Variants in GRID2 observed in about 807,000 individuals in gnomAD.
GRID2 encodes the protein glutamate receptor ionotropic, delta-2.
Under a neutral mutation model 114.8 loss-of-function variants are expected in GRID2, and 33 were observed. That is an observed-to-expected ratio of 0.29 (90% confidence interval 0.22 to 0.38). The LOEUF (loss-of-function observed/expected upper bound fraction) is 0.38. Among genes scored for constraint, GRID2 ranks in the 10% least tolerant of loss-of-function variants. The pLI is 1.00. For synonymous variants in GRID2, 505 were observed against 449.9 expected (o/e 1.12, Z -1.55); for missense variants, 1,184 against 1,257.7 (o/e 0.94, Z 0.89).
chr4:92,709,915 T>G (rs1412251645), intron 2 of GRID2, among the ~76,000 whole-genome samples: 2 of 152,108 alleles, frequency 1.3e-5, no homozygotes, highest in African/African-American at 4.8e-5. Flanking sequence ...CAAAAAGTAC[T>G]ATTATTCTAA....
At chr4:93,179,457 T>C (rs1295663115) in intron 4 of GRID2, among the ~76,000 whole-genome samples, 1 of 152,188 alleles carries the variant, frequency 6.6e-6, no homozygotes, top group Non-Finnish European at 1.5e-5. Flanking sequence ...TTATAGATTT[T>C]GAAAATTATT....
intron 2 of GRID2, among the ~76,000 whole-genome samples, chr4:92,797,655 A>G (rs1739955654): frequency 6.6e-6 from 1 of 151,972 alleles, no homozygotes; most frequent in Non-Finnish European, 1.5e-5. Flanking sequence ...AAGTATCTTT[A>G]TATTTTATGC....
intron 2 of GRID2, among the ~76,000 whole-genome samples, chr4:92,711,149 T>C (rs1735225443): frequency 6.6e-6 from 1 of 152,332 alleles, no homozygotes; most frequent in Non-Finnish European, 1.5e-5. Flanking sequence ...TGGGGTTGAT[T>C]GCATAGGTAC....
chr4:93,533,329 C>G (rs916403959), intron 13 of GRID2, among the ~76,000 whole-genome samples: 3 of 135,922 alleles, frequency 2.2e-5, no homozygotes, highest in African/African-American at 8.3e-5. Flanking sequence ...TTCCTTTCTT[C>G]CTTTCTTTCT....
At chr4:92,765,544 G>C (rs1042295974) in intron 2 of GRID2, among the ~76,000 whole-genome samples, 2 of 151,966 alleles carry the variant, frequency 1.3e-5, no homozygotes, top group Non-Finnish European at 2.9e-5. Context: ...GGACCATGCA[G>C]ATAGTTGATA....
Position 93,602,078 on chromosome 4 carries a change from C to T in GRID2, c.2194-24191C>T, listed in dbSNP as rs59005928. Among the ~76,000 whole-genome samples the T allele has an allele frequency of 5.7e-3, 870 of 152,240 alleles. 12 individuals carry two copies. The highest frequency in any genetic ancestry group is 0.019 in the African/African-American group (797 of 41,534). The stretch of plus-strand genomic sequence containing the variant: ...AGTAATTGAAAACTGCCATGCTCAG[C>T]GAGTGATATTGCCAACACCAAGTCC... On this transcript the variant is annotated intron_variant, in intron 13 of 15. Transcript: ENST00000282020.
intron 2 of GRID2, among the ~76,000 whole-genome samples, chr4:93,083,624 A>T (rs1316838479): frequency 6.8e-6 from 1 of 146,734 alleles, no homozygotes; most frequent in African/African-American, 2.5e-5. Context: ...TGAACCCAGG[A>T]TGCGGAAGTT....
At chr4:92,446,452 TTACTAA>T (rs1417716260) in intron 1 of GRID2, among the ~76,000 whole-genome samples, 2 of 137,244 alleles carry the variant, frequency 1.5e-5, no homozygotes, top group Non-Finnish European at 3.4e-5. Flanking sequence ...TATTCAACAT[TTACTAA>T]TACTATCATT....
chr4:93,531,408 A>T (rs1299365251), intron 13 of GRID2, among the ~76,000 whole-genome samples: 1 of 152,132 alleles, frequency 6.6e-6, no homozygotes, highest in Non-Finnish European at 1.5e-5. Flanking sequence ...AAAATATTGC[A>T]TAGAGTATTA....
chr4:92,648,499 G>T (rs1486718967), intron 2 of GRID2, among the ~76,000 whole-genome samples: 2 of 149,692 alleles, frequency 1.3e-5, no homozygotes, highest in Non-Finnish European at 3.0e-5. Flanking sequence ...CACTTAGCAT[G>T]TATCGAGCAT....
At chr4:92,813,658 G>GCACACA (rs145988327) in intron 2 of GRID2, among the ~76,000 whole-genome samples, 1 of 150,414 alleles carries the variant, frequency 6.6e-6, no homozygotes, top group Admixed American at 6.7e-5. Context: ...ACACACGCAC[G>GCACACA]CACACACACA....
chr4:93,122,614 G>A (rs1176896378), intron 4 of GRID2, among the ~76,000 whole-genome samples: 1 of 151,848 alleles, frequency 6.6e-6, no homozygotes, highest in Non-Finnish European at 1.5e-5. Context: ...CAATAGTTAT[G>A]GGTCATCAAG....
intron 2 of GRID2, among the ~76,000 whole-genome samples, chr4:92,749,568 C>T (rs191011324): frequency 3.3e-5 from 5 of 152,252 alleles, no homozygotes; most frequent in Admixed American, 2.6e-4. Context: ...CCGCCTCGGC[C>T]TCCCAAGATT....
intron 1 of GRID2, among the ~76,000 whole-genome samples, chr4:92,373,948 G>T (rs1202093996): frequency 3.3e-5 from 5 of 152,100 alleles, no homozygotes; most frequent in Admixed American, 2.0e-4. Flanking sequence ...AAGTCTGGCT[G>T]TAGATTCCCT....
At chr4:93,435,550 G>A (rs1431583808) in intron 10 of GRID2, among the ~76,000 whole-genome samples, 2 of 152,098 alleles carry the variant, frequency 1.3e-5, no homozygotes, top group Non-Finnish European at 2.9e-5. Flanking sequence ...GCAGAATGCG[G>A]AATCAAAACT....
At chr4:92,650,109 A>G (rs564687928) in intron 2 of GRID2, among the ~76,000 whole-genome samples, 2 of 152,140 alleles carry the variant, frequency 1.3e-5, no homozygotes, top group Admixed American at 1.3e-4. Context: ...TTCATAATAT[A>G]GGAGAGGGGA....
chr4:92,371,698 T>C (rs369432649), intron 1 of GRID2, among the ~76,000 whole-genome samples: 1 of 152,220 alleles, frequency 6.6e-6, no homozygotes, highest in African/African-American at 2.4e-5. Context: ...ATTGTTTTTA[T>C]GCCTGCTATT....
intron 1 of GRID2, among the ~76,000 whole-genome samples, chr4:92,349,976 C>CT (rs894745889): frequency 5.7e-4 from 86 of 152,010 alleles, no homozygotes; most frequent in African/African-American, 1.9e-3. Flanking sequence ...CATTCTCCCT[C>CT]TTTTTTATGG....
At chr4:93,283,144 C>T (rs1427685673) in intron 8 of GRID2, among the ~76,000 whole-genome samples, 2 of 152,034 alleles carry the variant, frequency 1.3e-5, no homozygotes. Flanking sequence ...CTCTTAGGTC[C>T]ATCCACAACC....
Sources: gnomAD v4.1 joint callset for allele counts (sites outside exome capture counted in the v4.1 genomes callset) on GRCh38, gnomAD v4.1.1 for gene constraint, MANE v1.5 for transcripts, NCBI Gene and HGNC (gene_info 2026-07-23, HGNC 2026-07-21) for gene names.